RNGTT: variants seen among roughly 807,000 people sequenced by gnomAD.
The protein encoded by RNGTT is mRNA-capping enzyme.
In RNGTT, 33 loss-of-function variants were observed where a neutral mutation model predicts 79.3. The ratio of observed to expected loss-of-function variants is 0.42; its 90% CI spans 0.32 to 0.56. The LOEUF (loss-of-function observed/expected upper bound fraction) is 0.56. Among genes scored for constraint, RNGTT ranks in the 20% least tolerant of loss-of-function variants. The probability of loss-of-function intolerance (pLI) is 0.17; values close to 1 mark genes in which losing one functional copy is unlikely to be tolerated. For synonymous variants in RNGTT, 222 were observed against 235.9 expected, an observed-to-expected ratio of 0.94 and a Z score of 0.54; for missense variants, 497 against 739.1, an observed-to-expected ratio of 0.67 and a Z score of 3.80.
intron 12 of RNGTT, among the ~76,000 whole-genome samples, chr6:88,781,406 TAAGA>T (rs1177376827): frequency 2.0e-5 from 3 of 152,332 alleles, no homozygotes; most frequent in East Asian, 3.9e-4. Flanking sequence ...CATCTGAAGC[TAAGA>T]AAGATCCCTG....
At chr6:88,844,271 G>A in intron 11 of RNGTT, 86 bp downstream of exon 11, 1 of 1,295,254 alleles carries the variant, frequency 7.7e-7, no homozygotes, top group Non-Finnish European at 1.1e-6. Flanking sequence ...CAAGACAACT[G>A]GGCAGCAAAA....
chr6:88,689,422 C>T (rs533820281), intron 13 of RNGTT, among the ~76,000 whole-genome samples: 15 of 152,044 alleles, frequency 9.9e-5, no homozygotes, highest in South Asian at 8.3e-4. Flanking sequence ...GGCGAAACCC[C>T]GTCTCTACTA....
At chr6:88,787,671 A>C (rs888493818) in intron 12 of RNGTT, among the ~76,000 whole-genome samples, 18 of 152,098 alleles carry the variant, frequency 1.2e-4, no homozygotes, top group African/African-American at 3.6e-4. Context: ...AAAACAAAAA[A>C]AAAAAAGGAG....
intron 13 of RNGTT, among the ~76,000 whole-genome samples, chr6:88,765,659 G>A (rs1217170376): frequency 6.6e-6 from 1 of 152,164 alleles, no homozygotes; most frequent in African/African-American, 2.4e-5. Flanking sequence ...GGTAGGTTAA[G>A]TTAACAAGAC....
At chr6:88,804,544 T>C (rs1418657155) in intron 11 of RNGTT, among the ~76,000 whole-genome samples, 1 of 152,156 alleles carries the variant, frequency 6.6e-6, no homozygotes, top group African/African-American at 2.4e-5. Flanking sequence ...AAAGTGAATA[T>C]GAAGGGAGAT....
chr6:88,907,499 A>G (rs1783694082), intron 4 of RNGTT, among the ~76,000 whole-genome samples: 1 of 152,056 alleles, frequency 6.6e-6, no homozygotes, highest in African/African-American at 2.4e-5. Flanking sequence ...TTCCACCATG[A>G]TTGTAAGTTT....
chr6:88,897,008 A>G lies in RNGTT; in HGVS notation c.685-5093T>C, dbSNP rs536774611. The stretch of plus-strand genomic sequence containing the variant: ...TACCTTTTGATTCAATACAACTCAC[A>G]TTGATTGAGTGCCGACAGCATTCTA... On this transcript the variant is annotated intron_variant, in intron 6 of 15. Transcript: ENST00000369485. 3.3e-5 allele frequency among the ~76,000 whole-genome samples: 5 copies of G among 152,256 alleles called. No homozygotes were observed. The South Asian group carries it at 1.0e-3, about 32-fold the overall frequency.
intron 13 of RNGTT, among the ~76,000 whole-genome samples, chr6:88,769,408 T>A (rs1778574256): frequency 6.6e-6 from 1 of 152,034 alleles, no homozygotes; most frequent in South Asian, 2.1e-4. Flanking sequence ...AATCTGCCTA[T>A]CTTGGCCTCC....
intron 6 of RNGTT, among the ~76,000 whole-genome samples, chr6:88,902,965 A>T (rs757398676): frequency 6.6e-6 from 1 of 152,118 alleles, no homozygotes; most frequent in Non-Finnish European, 1.5e-5. Flanking sequence ...AAGGGCTGGG[A>T]TTACAGGCGT....
At chr6:88,906,522 A>G in intron 4 of RNGTT, 82 bp from the exon 5 acceptor site, 1 of 722,394 alleles carries the variant, frequency 1.4e-6, no homozygotes, top group South Asian at 2.1e-5. Context: ...CCTGCAATCA[A>G]AACATTTCAG....
At chr6:88,844,241 C>G in intron 11 of RNGTT, 116 bp downstream of exon 11, 3 of 953,178 alleles carry the variant, frequency 3.1e-6, no homozygotes, top group Non-Finnish European at 4.6e-6. Flanking sequence ...ATACCCAATT[C>G]GAGTATTTTC....
At chr6:88,640,082 C>T (rs372675615) in intron 14 of RNGTT, among the ~76,000 whole-genome samples, 2 of 152,134 alleles carry the variant, frequency 1.3e-5, no homozygotes, top group African/African-American at 4.8e-5. Flanking sequence ...ATTCAATTAG[C>T]AGCCCCTATG....
intron 13 of RNGTT, among the ~76,000 whole-genome samples, chr6:88,719,462 T>C (rs1267362688): frequency 1.3e-5 from 2 of 152,254 alleles, no homozygotes; most frequent in African/African-American, 2.4e-5. Context: ...TTCAGATTTA[T>C]ACTGCTTCTT....
At chr6:88,833,499 C>T (rs193219217) in intron 11 of RNGTT, among the ~76,000 whole-genome samples, 2 of 152,122 alleles carry the variant, frequency 1.3e-5, no homozygotes, top group African/African-American at 4.8e-5. Context: ...TGCAACAAAC[C>T]ACCATGGCAC....
chr6:88,946,746 A>G (rs1472013666), intron 1 of RNGTT, among the ~76,000 whole-genome samples: 4 of 145,698 alleles, frequency 2.7e-5, no homozygotes, highest in Non-Finnish European at 4.5e-5. Context: ...GCTCACTGCA[A>G]CCTCCCTGCC....
At chr6:88,813,205 C>T (rs960338706) in intron 11 of RNGTT, among the ~76,000 whole-genome samples, 6 of 152,154 alleles carry the variant, frequency 3.9e-5, no homozygotes, top group African/African-American at 7.2e-5. Flanking sequence ...GGCCTACTGG[C>T]GTTTGCACAG....
intron 13 of RNGTT, among the ~76,000 whole-genome samples, chr6:88,760,888 T>TC (rs1554214364): frequency 2.7e-5 from 4 of 147,820 alleles, no homozygotes; most frequent in African/African-American, 1.0e-4. Context: ...TTTTTTTTTT[T>TC]CCCAGAGATG....
intron 8 of RNGTT, among the ~76,000 whole-genome samples, chr6:88,882,797 T>C (rs1163631446): frequency 1.3e-5 from 2 of 152,174 alleles, no homozygotes; most frequent in African/African-American, 4.8e-5. Context: ...CCTTCAGCCA[T>C]GGGAAGATGC....
At chr6:88,722,486 G>A (rs989971494) in intron 13 of RNGTT, among the ~76,000 whole-genome samples, 8 of 152,168 alleles carry the variant, frequency 5.3e-5, no homozygotes, top group Admixed American at 2.0e-4. Flanking sequence ...TCATAGCCAA[G>A]AACAGCACAG....
Sources: allele counts gnomAD v4.1 joint callset (sites outside exome capture counted in the v4.1 genomes callset), GRCh38; gene constraint gnomAD v4.1.1; transcripts MANE v1.5; gene names NCBI Gene and HGNC (gene_info 2026-07-23, HGNC 2026-07-21).